Variants in VPS39 observed in about 807,000 individuals in gnomAD.
VPS39 encodes the protein VPS39 subunit of HOPS complex, also known as vam6/Vps39-like protein.
VPS39 carries 70 observed loss-of-function variants against 121.0 expected under a neutral mutation model. That is an observed-to-expected ratio of 0.58 (90% CI 0.48 to 0.71). The LOEUF is 0.71. Ranked by LOEUF, VPS39 falls within the 30% of genes least tolerant of loss-of-function variation. The pLI is 0.00. For missense variants in VPS39, 818 were observed against 1,051.5 expected (o/e 0.78, Z 3.07); for synonymous variants, 378 against 398.1 (o/e 0.95, Z 0.60).
At position 42,166,578 on chromosome 15, in the gene VPS39, A is replaced by T; in HGVS notation, c.1591T>A (p.Tyr531Asn). Residue 531 changes from tyrosine to asparagine, a missense_variant, in exon 15 of 25, where the codon TAT becomes AAT. Tyr to Asn is a moderately radical substitution (Grantham distance 143). Coordinates refer to ENST00000318006, the MANE Select transcript of VPS39 (RefSeq NM_015289.5). ...PLKGHERTVQ[Y>N]LQHLGTENLH... ...GCGGACTTACCCAGATGCTGCAGAT[A>T]CTGCACTGTCCTCTCGTGGCCTTTC... 7 of 1,614,258 alleles carry T rather than the reference A, an allele frequency of 4.3e-6. No individual in the cohort carries two copies. Among genetic ancestry groups the T allele is most frequent in the Non-Finnish European group, 5.9e-6 (7 of 1,180,044 alleles).
In VPS39 at chr15:42,160,655, C is replaced by G. The variant is rs746966736; in HGVS notation, c.*99G>C. On this transcript the variant is annotated 3_prime_UTR_variant, in exon 25 of 25. Coordinates refer to ENST00000318006, the MANE Select transcript of VPS39 (RefSeq NM_015289.5). ...TAGCCAGTAATGTCCAAATGGGGAG[C>G]CTTGTGGTGGTGGCAGCCAGGATTC... is the stretch of plus-strand genomic sequence containing the variant. The G allele has an allele frequency of 2.9e-5, 30 of 1,041,410 alleles. No individual in the cohort carries two copies. The highest frequency in any genetic ancestry group is 4.8e-4 in the Middle Eastern group (2 of 4,186). The allele number at this position is 1,041,410 out of a possible 1,614,324, so 64.5% of individuals were successfully genotyped here.
rs144391046 is a variant in VPS39, at chr15:42,193,765, A to G, written c.140-2205T>C. ...GTGAACACAAGTTTTCCATAATTCT[A>G]TTTTTTTTCTTAAAAGCTCTAACTT... On this transcript the variant is annotated intron_variant, in intron 2 of 24. Transcript: ENST00000318006. 1.8e-4 allele frequency among the ~76,000 whole-genome samples: 28 copies of G among 151,358 alleles called. No homozygotes were observed. In the East Asian group the frequency reaches 5.4e-3, roughly 29 times the overall value.
chr15:42,189,141 TCC>T lies in VPS39; in HGVS notation c.313_314del (p.Gly105SerfsTer7). Reference protein sequence around the residue: ...QQITTVSKAKGASLFTCDLQH... With the variant: ...QQITTVSKAKXASLFTCDLQH... ...GGAGGTCACAAGTAAACAGTGATGCTCCCTTTGCCTTTGAAACCGTAGTGATT... is the reference window on the plus strand; with the variant it reads ...GGAGGTCACAAGTAAACAGTGATGCTCTTTGCCTTTGAAACCGTAGTGATT... On this transcript the variant is annotated frameshift_variant, in exon 5 of 25. Transcript: ENST00000318006. LOFTEE classifies it high-confidence loss of function. 6.2e-7 allele frequency: 1 copy of T among 1,613,988 alleles called. No individual in the cohort carries two copies. Among genetic ancestry groups the T allele is most frequent in the Non-Finnish European group, 8.5e-7 (1 of 1,179,902 alleles).
chr15:42,208,228 G>A lies in VPS39; in HGVS notation c.-75C>T. On this transcript the variant is annotated 5_prime_UTR_variant, in exon 1 of 25. Transcript: ENST00000318006. ...CCGGGCTGGGGTCCGGAACGAGTCTGGGCTAAGGGTAGACCGGGATCCGGC... is the reference window on the plus strand; with the variant it reads ...CCGGGCTGGGGTCCGGAACGAGTCTAGGCTAAGGGTAGACCGGGATCCGGC... 1 of 1,538,102 alleles carries A rather than the reference G, an allele frequency of 6.5e-7. No homozygotes were observed. The highest frequency in any genetic ancestry group is 1.2e-5 in the South Asian group (1 of 83,742).
intron 6 of VPS39, 65 bp downstream of exon 6, chr15:42,187,693 T>C (rs1206696706): frequency 6.9e-7 from 1 of 1,458,026 alleles, no homozygotes; most frequent in Non-Finnish European, 9.6e-7. Flanking sequence ...AGTCCTGAAC[T>C]TCACTAGAAC....
intron 8 of VPS39, among the ~76,000 whole-genome samples, chr15:42,180,236 C>G (rs931090038): frequency 2.0e-4 from 31 of 152,108 alleles, no homozygotes; most frequent in Non-Finnish European, 3.4e-4. Context: ...CTATTTGATA[C>G]TTGCTGTCGA....
chr15:42,170,533 G>C lies in VPS39; in HGVS notation c.1091-667C>G, dbSNP rs145018672. On this transcript the variant is annotated intron_variant, in intron 11 of 24. Transcript: ENST00000318006. ...ATTTTTTAAAAGAGGGTAATATGTT[G>C]ATTAAACAAATTCACATAAATTGGC... Among the ~76,000 whole-genome samples the C allele has an allele frequency of 1.5e-3, 221 of 152,058 alleles. 1 individual carries two copies. Among genetic ancestry groups the C allele is most frequent in the African/African-American group, 4.7e-3 (197 of 41,498 alleles).
Position 42,160,697 on chromosome 15 carries a change from C to T in VPS39, c.*57G>A. The T allele has an allele frequency of 6.5e-7, 1 of 1,528,670 alleles. No individual in the cohort carries two copies. The highest frequency in any genetic ancestry group is 1.4e-5 in the African/African-American group (1 of 73,206). 94.7% of individuals were successfully genotyped at this position (1,528,670 alleles called of 1,614,324 possible). ...CCAGGATTCCTAAGGCCAGGTGCTCCTTCACCTCTCTGGGAGAGCCAAGCT... is the reference window on the plus strand; with the variant it reads ...CCAGGATTCCTAAGGCCAGGTGCTCTTTCACCTCTCTGGGAGAGCCAAGCT... On this transcript the variant is annotated 3_prime_UTR_variant, in exon 25 of 25. Coordinates refer to ENST00000318006, the MANE Select transcript of VPS39 (RefSeq NM_015289.5).
intron 19 of VPS39, 96 bp from the exon 20 acceptor site, chr15:42,163,824 A>G: frequency 2.5e-6 from 2 of 798,050 alleles, no homozygotes; most frequent in Non-Finnish European, 4.0e-6. Context: ...GGCAATATAA[A>G]GGGAAGACAA....
At chr15:42,196,728 A>G (rs2049948347) in intron 2 of VPS39, among the ~76,000 whole-genome samples, 1 of 152,196 alleles carries the variant, frequency 6.6e-6, no homozygotes, top group South Asian at 2.1e-4. Flanking sequence ...TGTTGGTGGG[A>G]CTGTAAACTA....
At position 42,160,498 on chromosome 15, in the gene VPS39, A is replaced by C. The variant is rs1219677688; in HGVS notation, c.*256T>G. On this transcript the variant is annotated 3_prime_UTR_variant, in exon 25 of 25. Coordinates refer to ENST00000318006, the MANE Select transcript of VPS39 (RefSeq NM_015289.5). Reference sequence around the variant, plus strand: ...AAGATGGTGCACATCCTCCTGACCAAGCAGGTACTGAATTCTCTGGAATTG... The same window carrying C: ...AAGATGGTGCACATCCTCCTGACCACGCAGGTACTGAATTCTCTGGAATTG... 2.0e-6 allele frequency: 1 copy of C among 489,570 alleles called. No individual in the cohort carries two copies. The highest frequency in any genetic ancestry group is 3.7e-6 in the Non-Finnish European group (1 of 269,230). 30.3% of individuals were successfully genotyped at this position (489,570 alleles called of 1,614,324 possible).
In VPS39 at chr15:42,162,498, T is replaced by C. The variant is rs2049151471; in HGVS notation, c.2176-17A>G. 1 of 1,581,222 alleles carries C rather than the reference T, an allele frequency of 6.3e-7. No homozygotes were observed. The highest frequency in any genetic ancestry group is 8.6e-7 in the Non-Finnish European group (1 of 1,158,638). On this transcript the variant is annotated splice_polypyrimidine_tract_variant and intron_variant, in intron 21 of 24. Coordinates refer to ENST00000318006, the MANE Select transcript of VPS39 (RefSeq NM_015289.5). Reference sequence around the variant, plus strand: ...CAGATACACCTGTCTCAGAGAGACATGAGCTACGTCAGGCTGGCAGCAACC... The same window carrying C: ...CAGATACACCTGTCTCAGAGAGACACGAGCTACGTCAGGCTGGCAGCAACC...
At chr15:42,202,426 T>G (rs980675036) in intron 1 of VPS39, among the ~76,000 whole-genome samples, 2 of 152,344 alleles carry the variant, frequency 1.3e-5, no homozygotes, top group South Asian at 4.1e-4. Context: ...CATTTTGCAA[T>G]ATTTGTTTTG....
intron 21 of VPS39, 141 bp downstream of exon 21, chr15:42,163,209 C>T (rs1037930815): frequency 2.0e-6 from 2 of 989,166 alleles, no homozygotes; most frequent in Middle Eastern, 2.2e-4. Flanking sequence ...CCCCTGCTGT[C>T]CCTCAATACA....
In VPS39 at chr15:42,189,324, G is replaced by A. The variant is rs1420635342; in HGVS notation, c.248-116C>T. On this transcript the variant is annotated intron_variant, in intron 4 of 24. Coordinates refer to ENST00000318006, the MANE Select transcript of VPS39 (RefSeq NM_015289.5). ...CTAGAAGAAGCAAATGGCAGATGTT[G>A]GTTGAAGATGTCCCTTCAGTTTCAC... 80 of 714,354 alleles carry A rather than the reference G, an allele frequency of 1.1e-4. 1 individual carries two copies. In the South Asian group the frequency reaches 1.1e-3, roughly 10 times the overall value. 44.3% of individuals were successfully genotyped at this position (714,354 alleles called of 1,614,324 possible).
At chr15:42,162,880 T>A (rs780696990) in intron 21 of VPS39, among the ~76,000 whole-genome samples, 1 of 152,158 alleles carries the variant, frequency 6.6e-6, no homozygotes, top group Non-Finnish European at 1.5e-5. Context: ...TTTCGCAACC[T>A]CAGTGCGCAT....
rs192520354 is a variant in VPS39 at position 42,187,621 on chromosome 15, C to T, written c.441+137G>A. The T allele has an allele frequency of 3.7e-6, 3 of 803,730 alleles. No individual in the cohort carries two copies. The Admixed American group carries it at 6.5e-5, about 17-fold the overall frequency. The allele number at this position is 803,730 out of a possible 1,614,324, so 49.8% of individuals were successfully genotyped here. A position where few individuals can be genotyped will look rare whatever the true frequency, so the allele number is the denominator to read the frequency against. ...ACTGTAGAATCATATTACAAGTAGG[C>T]ATCAACAAGCTCTCATGCACTTCAT... is the stretch of plus-strand genomic sequence containing the variant. On this transcript the variant is annotated intron_variant, in intron 6 of 24. Coordinates refer to ENST00000318006, the MANE Select transcript of VPS39 (RefSeq NM_015289.5).
At chr15:42,204,700 T>A (rs1352680204) in intron 1 of VPS39, among the ~76,000 whole-genome samples, 4 of 152,150 alleles carry the variant, frequency 2.6e-5, no homozygotes, top group Non-Finnish European at 5.9e-5. Context: ...AATTAAATTT[T>A]ATTTGTTTTT....
chr15:42,167,621 A>G, intron 12 of VPS39, 84 bp from the exon 13 acceptor site: 1 of 1,543,130 alleles, frequency 6.5e-7, no homozygotes, highest in Non-Finnish European at 8.8e-7. Flanking sequence ...GAATACCTCC[A>G]ATCAGCTCAT....
Sources: allele counts gnomAD v4.1 joint callset (sites outside exome capture counted in the v4.1 genomes callset), GRCh38; gene constraint gnomAD v4.1.1; transcripts MANE v1.5; gene names NCBI Gene and HGNC (gene_info 2026-07-23, HGNC 2026-07-21).